The following DDX10 variants were observed in gnomAD, a reference collection of about 807,000 sequenced individuals.
DDX10 encodes the protein probable ATP-dependent RNA helicase DDX10.
In DDX10, 74 loss-of-function variants were observed where a neutral mutation model predicts 104.3. The ratio of observed to expected loss-of-function variants is 0.71; its 90% CI spans 0.59 to 0.86. The LOEUF (loss-of-function observed/expected upper bound fraction) is 0.86, where lower values mean the gene tolerates loss of function less well. DDX10 is among the 40% of genes least tolerant of loss of function. The pLI is 0.00. For synonymous variants in DDX10, 351 were observed against 353.4 expected (o/e 0.99, Z 0.08); for missense variants, 952 against 1,040.0 (o/e 0.92, Z 1.16).
chr11:108,717,537 C>A (rs954817768), intron 11 of DDX10, among the ~76,000 whole-genome samples: 3 of 152,152 alleles, frequency 2.0e-5, no homozygotes, highest in Non-Finnish European at 4.4e-5. Context: ...TCTCAAAACT[C>A]CTGGCCTCAA....
intron 13 of DDX10, among the ~76,000 whole-genome samples, chr11:108,812,951 C>T: frequency 8.8e-6 from 1 of 113,526 alleles, no homozygotes; most frequent in Non-Finnish European, 1.7e-5. Flanking sequence ...CACTGCACTC[C>T]AGCCTGGATG....
rs556241604 is a variant in DDX10, at chr11:108,708,264, T to A, written c.1322+1427T>A. 6.7e-3 allele frequency among the ~76,000 whole-genome samples: 995 copies of A among 149,128 alleles called. 8 individuals are homozygous for A. Among genetic ancestry groups the A allele is most frequent in the Non-Finnish European group, 0.011 (707 of 67,156 alleles). ...GGATATTGGATTTTGTTAAAAAAAA[T>A]TTTTTTTTTAAAATCTGATGAGATC... On this transcript the variant is annotated intron_variant, in intron 10 of 17. Transcript: ENST00000322536.
At chr11:108,856,278 A>T (rs1294074074) in intron 16 of DDX10, among the ~76,000 whole-genome samples, 1 of 152,112 alleles carries the variant, frequency 6.6e-6, no homozygotes, top group Admixed American at 6.5e-5. Flanking sequence ...AAAAATACAG[A>T]AATTAGCCAG....
intron 13 of DDX10, among the ~76,000 whole-genome samples, chr11:108,730,711 T>C (rs759257054): frequency 9.9e-5 from 15 of 152,202 alleles, no homozygotes; most frequent in African/African-American, 2.4e-4. Context: ...GATATACTTA[T>C]GTAGGCCGAG....
intron 17 of DDX10, among the ~76,000 whole-genome samples, chr11:108,923,143 C>T (rs1371418003): frequency 6.6e-6 from 1 of 152,136 alleles, no homozygotes; most frequent in Non-Finnish European, 1.5e-5. Flanking sequence ...TTGTTGTTAT[C>T]ATTGGAGACA....
intron 16 of DDX10, among the ~76,000 whole-genome samples, chr11:108,869,393 A>G (rs1863051531): frequency 1.3e-5 from 2 of 152,122 alleles, no homozygotes; most frequent in African/African-American, 4.8e-5. Flanking sequence ...AAAAATACTG[A>G]TATTTGAACT....
chr11:108,717,787 A>G (rs559663637), intron 11 of DDX10, among the ~76,000 whole-genome samples: 2 of 152,336 alleles, frequency 1.3e-5, no homozygotes, highest in Non-Finnish European at 2.9e-5. Flanking sequence ...GTTGTTACCT[A>G]ATCTTCCAGA....
intron 16 of DDX10, among the ~76,000 whole-genome samples, chr11:108,862,704 A>G (rs1862956871): frequency 6.6e-6 from 1 of 152,158 alleles, no homozygotes; most frequent in African/African-American, 2.4e-5. Context: ...TGCTGTTCAG[A>G]GACATTTAAC....
chr11:108,787,442 G>A (rs2134545055), intron 13 of DDX10, among the ~76,000 whole-genome samples: 1 of 149,118 alleles, frequency 6.7e-6, no homozygotes, highest in Non-Finnish European at 1.5e-5. Flanking sequence ...CATTTTCCAA[G>A]TTGCTTACAC....
At chr11:108,923,982 C>G (rs2134669639) in intron 17 of DDX10, among the ~76,000 whole-genome samples, 1 of 152,106 alleles carries the variant, frequency 6.6e-6, no homozygotes, top group Non-Finnish European at 1.5e-5. Flanking sequence ...CTGTGCTTCA[C>G]AAGCTGAGAG....
intron 13 of DDX10, among the ~76,000 whole-genome samples, chr11:108,786,478 T>C (rs1339466516): frequency 5.9e-5 from 9 of 152,218 alleles, no homozygotes; most frequent in Non-Finnish European, 1.5e-5. Flanking sequence ...TGTGTAATAA[T>C]GGCGGTGTAA....
chr11:108,868,165 A>T (rs573080966), intron 16 of DDX10: 1 of 152,298 alleles, frequency 6.6e-6, no homozygotes, highest in African/African-American at 2.4e-5. Flanking sequence ...GGGGGGCCTC[A>T]TGTCATTTAA....
At chr11:108,787,121 G>A (rs1232938959) in intron 13 of DDX10, among the ~76,000 whole-genome samples, 1 of 152,172 alleles carries the variant, frequency 6.6e-6, no homozygotes, top group Non-Finnish European at 1.5e-5. Flanking sequence ...GGTGGGATAT[G>A]AGGTTCTTGG....
chr11:108,769,413 A>G (rs113455881), intron 13 of DDX10, among the ~76,000 whole-genome samples: 1 of 152,008 alleles, frequency 6.6e-6, no homozygotes, highest in Non-Finnish European at 1.5e-5. Flanking sequence ...TTTCATTGCA[A>G]TAAGTTATAT....
chr11:108,676,803 G>T (rs75616937), intron 3 of DDX10, among the ~76,000 whole-genome samples: 3,245 of 152,168 alleles, frequency 0.021, 111 homozygotes, highest in African/African-American at 0.074. Context: ...GTGTTGTAAA[G>T]GTCTTTGGGT....
At chr11:108,799,214 C>T (rs916864150) in intron 13 of DDX10, among the ~76,000 whole-genome samples, 5 of 152,100 alleles carry the variant, frequency 3.3e-5, no homozygotes, top group Non-Finnish European at 7.4e-5. Flanking sequence ...ATGTGAATTC[C>T]GAAGTCCTTA....
chr11:108,781,505 AT>A (rs1331809067), intron 13 of DDX10, among the ~76,000 whole-genome samples: 1 of 152,192 alleles, frequency 6.6e-6, no homozygotes, highest in East Asian at 1.9e-4. Flanking sequence ...GCCAAATAGT[AT>A]TCATAATACT....
intron 16 of DDX10, among the ~76,000 whole-genome samples, chr11:108,910,725 ATGCGTGTGTGTGTGTGTGTGTGTG>A (rs1168814673): frequency 3.9e-5 from 4 of 103,790 alleles, no homozygotes; most frequent in African/African-American, 1.4e-4. Context: ...AGGAGCGTGC[ATGCGTGTGTGTGTGTGTGTGTGTG>A]TGTGTGTGTG....
At chr11:108,805,969 TA>T (rs1340128889) in intron 13 of DDX10, among the ~76,000 whole-genome samples, 2 of 152,104 alleles carry the variant, frequency 1.3e-5, no homozygotes, top group African/African-American at 4.8e-5. Context: ...TATTTTATTT[TA>T]TTTTTTTTGA....
Sources: allele counts gnomAD v4.1 joint callset (sites outside exome capture counted in the v4.1 genomes callset), GRCh38; gene constraint gnomAD v4.1.1; transcripts MANE v1.5; gene names NCBI Gene and HGNC (gene_info 2026-07-23, HGNC 2026-07-21).